The following TWIST2 variants were observed in gnomAD, a reference collection of about 807,000 sequenced individuals.
TWIST2 encodes twist family bHLH transcription factor 2.
Under a neutral mutation model 11.6 loss-of-function variants are expected in TWIST2, and 1 was observed. The observed-to-expected ratio is 0.09, with a 90% confidence interval of 0.03 to 0.41. TWIST2 has a LOEUF of 0.41. Ranked by LOEUF, TWIST2 falls within the 10% of genes least tolerant of loss-of-function variation. The pLI is 0.98. For missense variants in TWIST2, 168 were observed against 226.4 expected, an observed-to-expected ratio of 0.74 and a Z score of 1.66; for synonymous variants, 87 against 96.6, an observed-to-expected ratio of 0.90 and a Z score of 0.58.
rs772234931 is a variant in TWIST2, at chr2:238,864,373, G to C, written c.*35+15640G>C. On this transcript the variant is annotated intron_variant, in intron 1 of 1. Coordinates refer to ENST00000612363, the MANE Select transcript of TWIST2 (RefSeq NM_001271893.4). This position sits in a 1 kb window ranked among gnomAD's most constrained non-coding sequence, Gnocchi z 4.7. ...AACTGCCAGGGTTAGTCCCCTCCGC[G>C]GGCCTCCTGCATGAATCAGAGCCGA... Among the ~76,000 whole-genome samples the C allele has an allele frequency of 6.6e-6, 1 of 152,218 alleles. No homozygotes were observed. Among genetic ancestry groups the C allele is most frequent in the African/African-American group, 2.4e-5 (1 of 41,456 alleles).
intron 1 of TWIST2, among the ~76,000 whole-genome samples, chr2:238,902,529 GT>G: frequency 1.8e-5 from 1 of 56,436 alleles, no homozygotes; most frequent in South Asian, 5.4e-4. Context: ...AGTATGGGGT[GT>G]GTGTGTGGTG....
chr2:238,851,270 A>G (rs1692236309), intron 1 of TWIST2, among the ~76,000 whole-genome samples: 1 of 152,258 alleles, frequency 6.6e-6, no homozygotes, highest in South Asian at 2.1e-4. Context: ...TGCTGCCGAT[A>G]TCTATCCTGC....
intron 1 of TWIST2, among the ~76,000 whole-genome samples, chr2:238,896,234 C>T (rs1295869289): frequency 1.3e-5 from 2 of 152,172 alleles, no homozygotes; most frequent in East Asian, 1.9e-4. Context: ...TGACGGCGAA[C>T]GCCCCATGTG....
intron 1 of TWIST2, among the ~76,000 whole-genome samples, chr2:238,891,191 G>A (rs1188251788): frequency 6.6e-6 from 1 of 152,202 alleles, no homozygotes; most frequent in Non-Finnish European, 1.5e-5. Flanking sequence ...TCTCGAACAC[G>A]TTTTCCAGAG....
chr2:238,907,689 TCA>T lies in TWIST2; in HGVS notation c.*36-2140_*36-2139del, dbSNP rs1187288964. ...ACTGCAGGAAGTACACATACACCACTCACACACACACACAAATGCACACAATA... is the reference window on the plus strand; with the variant it reads ...ACTGCAGGAAGTACACATACACCACTCACACACACACAAATGCACACAATA... On this transcript the variant is annotated intron_variant, in intron 1 of 1. Transcript: ENST00000612363. Among the ~76,000 whole-genome samples, 355 of 150,080 alleles carry T rather than the reference TCA, an allele frequency of 2.4e-3. 1 individual carries two copies. The highest frequency in any genetic ancestry group is 8.1e-3 in the African/African-American group (329 of 40,850).
chr2:238,908,002 C>A (rs1693384648), intron 1 of TWIST2, among the ~76,000 whole-genome samples: 2 of 150,648 alleles, frequency 1.3e-5, no homozygotes, highest in South Asian at 4.2e-4. Flanking sequence ...ACATACGCAC[C>A]ACATACACAA....
At chr2:238,893,941 T>G (rs1354747115) in intron 1 of TWIST2, among the ~76,000 whole-genome samples, 1 of 151,948 alleles carries the variant, frequency 6.6e-6, no homozygotes, top group Non-Finnish European at 1.5e-5. Context: ...CACCCCCTGG[T>G]GTCAGTTCTC....
rs149710286 is a variant in TWIST2, at chr2:238,856,553, A to G, written c.*35+7820A>G. On this transcript the variant is annotated intron_variant, in intron 1 of 1. Transcript: ENST00000612363. ...GAAAAGTTTTTTTTTTATGAAGGAC[A>G]AAATAAAAGAGAAGGTTAGGATGTG... Among the ~76,000 whole-genome samples, 1,463 of 152,284 alleles carry G rather than the reference A, an allele frequency of 9.6e-3. 15 individuals are homozygous for G. The highest frequency in any genetic ancestry group is 0.024 in the Middle Eastern group (7 of 294).
At chr2:238,856,686 T>TG (rs1288521582) in intron 1 of TWIST2, among the ~76,000 whole-genome samples, 11 of 152,162 alleles carry the variant, frequency 7.2e-5, no homozygotes, top group African/African-American at 2.7e-4. Context: ...AGGATTGTGT[T>TG]GGGGCCGTGT....
chr2:238,903,446 TGGGTCTAATGTGAG>T (rs1693303777), intron 1 of TWIST2, among the ~76,000 whole-genome samples: 1 of 135,000 alleles, frequency 7.4e-6, no homozygotes, highest in African/African-American at 2.8e-5. Context: ...ATGTGGGGTG[TGGGTCTAATGTGAG>T]GTGTGTGTGA....
chr2:238,864,354 C>T lies in TWIST2; in HGVS notation c.*35+15621C>T, dbSNP rs1308712914. Among the ~76,000 whole-genome samples the T allele has an allele frequency of 6.6e-6, 1 of 152,236 alleles. No homozygotes were observed. Among genetic ancestry groups the T allele is most frequent in the Admixed American group, 6.5e-5 (1 of 15,292 alleles). ...ATAAAGAAACCAAGAGGTTAACTGC[C>T]AGGGTTAGTCCCCTCCGCGGGCCTC... is the stretch of plus-strand genomic sequence containing the variant. On this transcript the variant is annotated intron_variant, in intron 1 of 1. Coordinates refer to ENST00000612363, the MANE Select transcript of TWIST2 (RefSeq NM_001271893.4). The surrounding 1 kb of genome is among the most constrained non-coding windows in gnomAD (Gnocchi z 4.7).
chr2:238,881,316 AGTGTTG>A lies in TWIST2; in HGVS notation c.*36-28520_*36-28515del, dbSNP rs1390226841. ...GTTAGTATCTATTAGTATTAGTGTT[AGTGTTG>A]GTGTTAATATTAGCATTAGTGTCAG... On this transcript the variant is annotated intron_variant, in intron 1 of 1. Transcript: ENST00000612363. 1.8e-3 allele frequency among the ~76,000 whole-genome samples: 261 copies of A among 144,656 alleles called. 1 individual carries two copies. The highest frequency in any genetic ancestry group is 9.3e-3 in the Middle Eastern group (2 of 216). 94.9% of individuals were successfully genotyped at this position (144,656 alleles called of 152,430 possible).
intron 1 of TWIST2, among the ~76,000 whole-genome samples, chr2:238,889,832 G>T (rs988014305): frequency 7.9e-5 from 12 of 152,188 alleles, no homozygotes; most frequent in Admixed American, 7.9e-4. Context: ...TCTCCCACTT[G>T]CAGGGCAGGT....
At chr2:238,902,620 GTGAGGTGTGTGATA>G (rs1238847811) in intron 1 of TWIST2, among the ~76,000 whole-genome samples, 16 of 148,540 alleles carry the variant, frequency 1.1e-4, no homozygotes, top group Middle Eastern at 3.7e-3. Flanking sequence ...TGTGCATGAT[GTGAGGTGTGTGATA>G]TGAGGTGTGT....
rs1007496909 is a variant in TWIST2, at chr2:238,864,556, C to G, written c.*35+15823C>G. ...GCCCCACCCGGCCCCCAGGCCAGGT[C>G]AGCCTGGGGAGGGGAGAACTAAGGG... On this transcript the variant is annotated intron_variant, in intron 1 of 1. Transcript: ENST00000612363. This position sits in a 1 kb window ranked among gnomAD's most constrained non-coding sequence, Gnocchi z 4.7. Among the ~76,000 whole-genome samples the G allele has an allele frequency of 1.3e-5, 2 of 151,752 alleles. No homozygotes were observed. The highest frequency in any genetic ancestry group is 4.8e-5 in the African/African-American group (2 of 41,332).
intron 1 of TWIST2, among the ~76,000 whole-genome samples, chr2:238,882,381 T>C (rs569973770): frequency 6.6e-6 from 1 of 152,342 alleles, no homozygotes; most frequent in African/African-American, 2.4e-5. Flanking sequence ...GGGTGGTGGC[T>C]GGAAAACAGA....
rs981030770 is a variant in TWIST2 at position 238,866,211 on chromosome 2, C to T, written c.*35+17478C>T. Among the ~76,000 whole-genome samples the T allele has an allele frequency of 3.3e-5, 5 of 152,232 alleles. No homozygotes were observed. Among genetic ancestry groups the T allele is most frequent in the African/African-American group, 1.2e-4 (5 of 41,462 alleles). On this transcript the variant is annotated intron_variant, in intron 1 of 1. Coordinates refer to ENST00000612363, the MANE Select transcript of TWIST2 (RefSeq NM_001271893.4). The surrounding 1 kb of genome is among the most constrained non-coding windows in gnomAD (Gnocchi z 4.9). ...CATGGCACGGGCCCTGCCTGCTCTT[C>T]TGTGAGCTGCCTCTGAGCCCTGGGC... is the stretch of plus-strand genomic sequence containing the variant.
At chr2:238,902,409 GGT>G (rs1168726248) in intron 1 of TWIST2, among the ~76,000 whole-genome samples, 3 of 150,864 alleles carry the variant, frequency 2.0e-5, no homozygotes, top group Non-Finnish European at 4.4e-5. Flanking sequence ...TGTTAATCAG[GGT>G]GTGTGTGTGA....
intron 1 of TWIST2, among the ~76,000 whole-genome samples, chr2:238,896,901 C>G (rs1693213933): frequency 6.6e-6 from 1 of 152,178 alleles, no homozygotes; most frequent in Non-Finnish European, 1.5e-5. Flanking sequence ...ACAAGGGGGT[C>G]CTGCCTGTAA....
Sources: gnomAD v4.1 joint callset for allele counts (sites outside exome capture counted in the v4.1 genomes callset) on GRCh38, gnomAD v4.1.1 for gene constraint, Gnocchi (gnomAD v3.1) non-coding constraint, MANE v1.5 for transcripts, NCBI Gene and HGNC (gene_info 2026-07-23, HGNC 2026-07-21) for gene names.